The following PTPRD variants were observed in gnomAD, a reference collection of about 807,000 sequenced individuals.
PTPRD encodes the protein receptor-type tyrosine-protein phosphatase delta.
Under a neutral mutation model 214.5 loss-of-function variants are expected in PTPRD, and 34 were observed. That is an observed-to-expected ratio of 0.16 (90% CI 0.12 to 0.21). PTPRD has a LOEUF of 0.21. PTPRD is among the 10% of genes least tolerant of loss of function. The pLI is 1.00. For missense variants in PTPRD, 2,545 were observed against 2,398.7 expected (o/e 1.06, Z -1.27); for synonymous variants, 1,128 against 845.7 (o/e 1.33, Z -5.79).
At chr9:9,212,647 A>G (rs951079480) in intron 9 of PTPRD, among the ~76,000 whole-genome samples, 1 of 152,208 alleles carries the variant, frequency 6.6e-6, no homozygotes, top group Non-Finnish European at 1.5e-5. Flanking sequence ...ATGTTGAGAT[A>G]GAAGTATTTT....
At position 8,592,783 on chromosome 9, in the gene PTPRD, T is replaced by C. The variant is rs543148765; in HGVS notation, c.352+40534A>G. Among the ~76,000 whole-genome samples the C allele has an allele frequency of 8.4e-4, 128 of 152,326 alleles. 2 individuals carry two copies. The South Asian group carries it at 0.024, about 28-fold the overall frequency. The stretch of plus-strand genomic sequence containing the variant: ...TAAAAGATAACAAATAATTGTAATA[T>C]AACATGCTGCGTGTTAATGCAGCTA... On this transcript the variant is annotated intron_variant, in intron 14 of 45. Transcript: ENST00000381196.
chr9:10,352,901 T>C (rs751043026), intron 2 of PTPRD, among the ~76,000 whole-genome samples: 3 of 151,996 alleles, frequency 2.0e-5, no homozygotes, highest in Non-Finnish European at 4.4e-5. Context: ...GATTCCTAAA[T>C]GCTGCAATAC....
At chr9:9,043,939 T>TG (rs1431715602) in intron 10 of PTPRD, among the ~76,000 whole-genome samples, 4 of 128,722 alleles carry the variant, frequency 3.1e-5, no homozygotes, top group African/African-American at 6.3e-5. Context: ...TAAAATAAAA[T>TG]AAAATAAAAT....
chr9:8,982,773 A>G (rs1254770622), intron 11 of PTPRD, among the ~76,000 whole-genome samples: 3 of 152,060 alleles, frequency 2.0e-5, no homozygotes, highest in Non-Finnish European at 4.4e-5. Context: ...GAATATAAAT[A>G]TAGCTAAATA....
At chr9:9,275,190 ATATATATAT>A (rs747742889) in intron 9 of PTPRD, among the ~76,000 whole-genome samples, 8,176 of 26,724 alleles carry the variant, frequency 0.31, 666 homozygotes, top group Non-Finnish European at 0.36. Context: ...TATGTTATAT[ATATATATAT>A]TATATATATA....
intron 9 of PTPRD, among the ~76,000 whole-genome samples, chr9:9,236,998 T>C (rs1038563952): frequency 6.6e-6 from 1 of 152,324 alleles, no homozygotes; most frequent in Admixed American, 6.5e-5. Context: ...TTGTCTGGAA[T>C]TACTTGTCAG....
At chr9:10,510,536 T>G (rs2047639423) in intron 2 of PTPRD, among the ~76,000 whole-genome samples, 1 of 152,128 alleles carries the variant, frequency 6.6e-6, no homozygotes, top group Non-Finnish European at 1.5e-5. Context: ...GCATATCGCT[T>G]TTTTGTTTGC....
At chr9:8,557,779 T>TACACACACAC (rs373363751) in intron 14 of PTPRD, among the ~76,000 whole-genome samples, 3 of 103,900 alleles carry the variant, frequency 2.9e-5, no homozygotes, top group East Asian at 2.8e-4. Flanking sequence ...AAAAACAAAA[T>TACACACACAC]ACACACACAC....
At chr9:9,752,856 C>A (rs1263513263) in intron 6 of PTPRD, among the ~76,000 whole-genome samples, 1 of 151,978 alleles carries the variant, frequency 6.6e-6, no homozygotes, top group African/African-American at 2.4e-5. Context: ...ATGCTGCTAC[C>A]TCAGATTGAG....
chr9:10,075,721 G>T (rs7873264), intron 3 of PTPRD, among the ~76,000 whole-genome samples: 11,526 of 151,858 alleles, frequency 0.076, 1,400 homozygotes, highest in African/African-American at 0.26. Context: ...ATAAAAGTGA[G>T]TTATTATATT....
intron 10 of PTPRD, among the ~76,000 whole-genome samples, chr9:9,155,517 G>A (rs191252112): frequency 1.2e-4 from 19 of 152,274 alleles, no homozygotes; most frequent in Admixed American, 1.1e-3. Context: ...TGATGTGCCT[G>A]AGAAATCAAC....
intron 3 of PTPRD, among the ~76,000 whole-genome samples, chr9:10,303,354 G>A (rs1307489455): frequency 6.6e-6 from 1 of 152,006 alleles, no homozygotes; most frequent in Admixed American, 6.6e-5. Context: ...AAAAGAACGA[G>A]TGAAGCAAGA....
chr9:8,987,854 A>C (rs1481254645), intron 11 of PTPRD, among the ~76,000 whole-genome samples: 1 of 152,134 alleles, frequency 6.6e-6, no homozygotes, highest in African/African-American at 2.4e-5. Context: ...AGACAGGTAA[A>C]TCAGGACTGA....
intron 4 of PTPRD, among the ~76,000 whole-genome samples, chr9:9,953,165 C>T (rs2093606142): frequency 6.6e-6 from 1 of 152,044 alleles, no homozygotes; most frequent in South Asian, 2.1e-4. Flanking sequence ...GTCAACTTTC[C>T]TGGGTCATGG....
chr9:9,742,572 T>C (rs966235714), intron 6 of PTPRD, among the ~76,000 whole-genome samples: 2 of 152,138 alleles, frequency 1.3e-5, no homozygotes, highest in Non-Finnish European at 2.9e-5. Context: ...GTAGCTCTTG[T>C]TTAGGAACAT....
At position 9,088,581 on chromosome 9, in the gene PTPRD, G is replaced by GAAAAAAAAAAAAAAAAAAA. The variant is rs533619970; in HGVS notation, c.-142-69865_-142-69847dup. Among the ~76,000 whole-genome samples the GAAAAAAAAAAAAAAAAAAA allele has an allele frequency of 5.1e-4, 17 of 33,036 alleles. 2 individuals carry two copies. Among genetic ancestry groups the GAAAAAAAAAAAAAAAAAAA allele is most frequent in the African/African-American group, 1.3e-3 (14 of 10,620 alleles). 21.7% of individuals were successfully genotyped at this position (33,036 alleles called of 152,430 possible). A position where few individuals can be genotyped will look rare whatever the true frequency, so the allele number is the denominator to read the frequency against. ...GGCGACAGAGTGAGACTTAGTCTCA[G>GAAAAAAAAAAAAAAAAAAA]AAAAAAAAAAAAAAAAAAAAAAAAA... is the stretch of plus-strand genomic sequence containing the variant. On this transcript the variant is annotated intron_variant, in intron 10 of 45. Transcript: ENST00000381196.
At chr9:9,579,237 C>A (rs536229127) in intron 7 of PTPRD, among the ~76,000 whole-genome samples, 4 of 151,994 alleles carry the variant, frequency 2.6e-5, no homozygotes, top group Non-Finnish European at 5.9e-5. Context: ...CTACAGTTAA[C>A]ATTTACTGAA....
chr9:8,927,153 T>A (rs2098904695), intron 11 of PTPRD, among the ~76,000 whole-genome samples: 1 of 152,140 alleles, frequency 6.6e-6, no homozygotes, highest in African/African-American at 2.4e-5. Flanking sequence ...CAGCTTGAAA[T>A]AAGAGTCCTA....
At chr9:10,448,888 T>C (rs1330750334) in intron 2 of PTPRD, among the ~76,000 whole-genome samples, 1 of 152,106 alleles carries the variant, frequency 6.6e-6, no homozygotes, top group Non-Finnish European at 1.5e-5. Context: ...TAATATTTCA[T>C]GCTTTTTCAA....
Sources: gnomAD v4.1 joint callset for allele counts (sites outside exome capture counted in the v4.1 genomes callset) on GRCh38, gnomAD v4.1.1 for gene constraint, MANE v1.5 for transcripts, NCBI Gene and HGNC (gene_info 2026-07-23, HGNC 2026-07-21) for gene names.